Variants in CCDC112 observed in about 807,000 individuals in gnomAD.
CCDC112 encodes the protein coiled-coil domain containing 112.
A neutral mutation model predicts 66.3 loss-of-function variants in CCDC112; 40 were observed. The ratio of observed to expected loss-of-function variants is 0.60; its 90% CI spans 0.47 to 0.79. The LOEUF is 0.79. Among genes scored for constraint, CCDC112 ranks in the 30% least tolerant of loss-of-function variants. The pLI is 0.00. For synonymous variants in CCDC112, 214 were observed against 197.2 expected, an observed-to-expected ratio of 1.09 and a Z score of -0.71; for missense variants, 659 against 603.8, an observed-to-expected ratio of 1.09 and a Z score of -0.96.
chr5:115,286,564 C>A (rs947232529), intron 1 of CCDC112, among the ~76,000 whole-genome samples: 1 of 152,108 alleles, frequency 6.6e-6, no homozygotes, highest in African/African-American at 2.4e-5. Flanking sequence ...TACCTAGCAG[C>A]AGAATTTCTG....
At chr5:115,289,679 A>G (rs1322004856) in intron 1 of CCDC112, among the ~76,000 whole-genome samples, 1 of 152,156 alleles carries the variant, frequency 6.6e-6, no homozygotes, top group Non-Finnish European at 1.5e-5. Flanking sequence ...ATTTGCAAGT[A>G]TTTTCTCCCA....
At chr5:115,287,274 T>G (rs771438080) in intron 1 of CCDC112, among the ~76,000 whole-genome samples, 1 of 152,242 alleles carries the variant, frequency 6.6e-6, no homozygotes, top group Non-Finnish European at 1.5e-5. Flanking sequence ...CCATAATGAC[T>G]AATGATGTTG....
In CCDC112 at chr5:115,267,909, T is replaced by G; in HGVS notation, c.1557A>C (p.Pro519=). 6.2e-7 allele frequency: 1 copy of G among 1,611,748 alleles called. No homozygotes were observed. Among genetic ancestry groups the G allele is most frequent in the Non-Finnish European group, 8.5e-7 (1 of 1,178,068 alleles). ...PLLHIPHRAI[P]TWRQGIQRRV Reference sequence around the variant, plus strand: ...TTCTCTGTATTCCTTGTCTCCAGGTTGGAATAGCCCTAAGGAGAAAAAGAG... The same window carrying G: ...TTCTCTGTATTCCTTGTCTCCAGGTGGGAATAGCCCTAAGGAGAAAAAGAG... Residue 519 remains proline (P), a synonymous_variant, in exon 10 of 10, where the codon CCA becomes CCC. Transcript: ENST00000379611.
chr5:115,296,643 C>T lies in CCDC112; in HGVS notation c.-100G>A. On this transcript the variant is annotated 5_prime_UTR_variant, in exon 1 of 10. Coordinates refer to ENST00000379611, the MANE Select transcript of CCDC112 (RefSeq NM_001040440.3). ...TGCAGACAGCTCCCTGCGCTGCGGG[C>T]TTGGCCGGGATGCAGGGCGGGGCCG... The T allele has an allele frequency of 8.9e-7, 1 of 1,129,306 alleles. No homozygotes were observed. The highest frequency in any genetic ancestry group is 6.0e-5 in the East Asian group (1 of 16,630). 70.0% of individuals were successfully genotyped at this position (1,129,306 alleles called of 1,614,324 possible).
chr5:115,292,668 T>A (rs1749985650), intron 1 of CCDC112, among the ~76,000 whole-genome samples: 1 of 152,252 alleles, frequency 6.6e-6, no homozygotes, highest in East Asian at 1.9e-4. Flanking sequence ...TTGGTCACTT[T>A]AAACTAATTC....
chr5:115,283,600 T>C (rs1749547879), intron 2 of CCDC112, among the ~76,000 whole-genome samples: 1 of 152,138 alleles, frequency 6.6e-6, no homozygotes, highest in South Asian at 2.1e-4. Context: ...ATATAATTTT[T>C]ATTTGTCAGT....
At chr5:115,277,295 A>AAAT (rs1749246832) in intron 3 of CCDC112, 1 of 284,528 alleles carries the variant, frequency 3.5e-6, no homozygotes, top group African/African-American at 2.2e-5. Context: ...CGTGCTAAGG[A>AAAT]AATGTCTTTT....
intron 6 of CCDC112, among the ~76,000 whole-genome samples, chr5:115,274,367 T>C (rs779050305): frequency 6.6e-6 from 1 of 152,212 alleles, no homozygotes; most frequent in Non-Finnish European, 1.5e-5. Flanking sequence ...GTAATATTTT[T>C]GTAAAAATGG....
chr5:115,274,607 T>C (rs1749126818), intron 6 of CCDC112, among the ~76,000 whole-genome samples: 1 of 152,188 alleles, frequency 6.6e-6, no homozygotes, highest in African/African-American at 2.4e-5. Flanking sequence ...TGCTCACATT[T>C]CTGAGAAGTG....
At chr5:115,269,550 A>C in intron 8 of CCDC112, 153 bp downstream of exon 8, 1 of 572,204 alleles carries the variant, frequency 1.7e-6, no homozygotes, top group Non-Finnish European at 3.0e-6. Flanking sequence ...AAATTGTACC[A>C]AGTTATGCTT....
intron 9 of CCDC112, 73 bp from the exon 10 acceptor site, chr5:115,267,991 T>G (rs1342976403): frequency 1.5e-5 from 18 of 1,193,264 alleles, no homozygotes; most frequent in Non-Finnish European, 2.1e-5. Context: ...TCTGATTAAG[T>G]GCTAACTTTA....
At position 115,267,896 on chromosome 5, in the gene CCDC112, C is replaced by A; in HGVS notation, c.1570G>T (p.Gly524Ter). 1 of 1,611,544 alleles carries A rather than the reference C, an allele frequency of 6.2e-7. No homozygotes were observed. Among genetic ancestry groups the A allele is most frequent in the Non-Finnish European group, 8.5e-7 (1 of 1,177,948 alleles). Residue 524 changes from glycine to a stop codon, truncating the protein, a stop_gained, in exon 10 of 10, where the codon GGA becomes TGA. Coordinates refer to ENST00000379611, the MANE Select transcript of CCDC112 (RefSeq NM_001040440.3). LOFTEE classifies it high-confidence loss of function. Reference sequence around the variant, plus strand: ...TTATCTCATACTCTTCTCTGTATTCCTTGTCTCCAGGTTGGAATAGCCCTA... The same window carrying A: ...TTATCTCATACTCTTCTCTGTATTCATTGTCTCCAGGTTGGAATAGCCCTA... The part of the protein sequence containing the change: ...PHRAIPTWRQ[G>*]IQRRV
In CCDC112 at chr5:115,279,639, C is replaced by A. The variant is rs201406798; in HGVS notation, c.361+8G>T. The A allele has an allele frequency of 1.2e-6, 2 of 1,610,114 alleles. No homozygotes were observed. The highest frequency in any genetic ancestry group is 2.7e-5 in the African/African-American group (2 of 74,858). ...AACAGTTTTTAGTTCATCACAAACTCAACTTACTTTCTGTTTTCCTGCTGT... is the reference window on the plus strand; with the variant it reads ...AACAGTTTTTAGTTCATCACAAACTAAACTTACTTTCTGTTTTCCTGCTGT... On this transcript the variant is annotated splice_region_variant and intron_variant, in intron 3 of 9. Coordinates refer to ENST00000379611, the MANE Select transcript of CCDC112 (RefSeq NM_001040440.3).
At chr5:115,286,756 T>TA (rs988462802) in intron 1 of CCDC112, among the ~76,000 whole-genome samples, 12 of 150,658 alleles carry the variant, frequency 8.0e-5, no homozygotes, top group Admixed American at 1.3e-4. Context: ...TATAAAAACT[T>TA]AAAAAAAAAT....
chr5:115,293,654 C>T (rs1488086995), intron 1 of CCDC112, among the ~76,000 whole-genome samples: 1 of 152,098 alleles, frequency 6.6e-6, no homozygotes, highest in Non-Finnish European at 1.5e-5. Context: ...GATCTTCCTG[C>T]GACTCTCTTA....
chr5:115,283,457 T>G (rs1232918849), intron 2 of CCDC112, among the ~76,000 whole-genome samples: 1 of 152,162 alleles, frequency 6.6e-6, no homozygotes, highest in Non-Finnish European at 1.5e-5. Context: ...AAAGTTGATC[T>G]TAAATATTCT....
chr5:115,293,147 A>T (rs1750006189), intron 1 of CCDC112, among the ~76,000 whole-genome samples: 1 of 152,236 alleles, frequency 6.6e-6, no homozygotes, highest in South Asian at 2.1e-4. Flanking sequence ...TCTAACACAG[A>T]GTAGAACAAT....
At chr5:115,281,151 G>C (rs1749439537) in intron 2 of CCDC112, among the ~76,000 whole-genome samples, 1 of 151,792 alleles carries the variant, frequency 6.6e-6, no homozygotes, top group African/African-American at 2.4e-5. Context: ...AGCCTCCCGA[G>C]TAACTGGGAC....
intron 6 of CCDC112, among the ~76,000 whole-genome samples, chr5:115,272,092 T>A (rs1437326054): frequency 6.6e-6 from 1 of 151,990 alleles, no homozygotes; most frequent in Non-Finnish European, 1.5e-5. Flanking sequence ...GTCTGGCTAA[T>A]TTTTTTGTAT....
Sources: gnomAD v4.1 joint callset for allele counts (sites outside exome capture counted in the v4.1 genomes callset) on GRCh38, gnomAD v4.1.1 for gene constraint, MANE v1.5 for transcripts, NCBI Gene and HGNC (gene_info 2026-07-23, HGNC 2026-07-21) for gene names.